Variants in TCF4 observed in about 807,000 individuals in gnomAD.
TCF4 encodes SL3-3 enhancer factor 2.
In TCF4, 3 loss-of-function variants were observed where a neutral mutation model predicts 82.1. The observed-to-expected ratio is 0.04, with a 90% CI of 0.02 to 0.09. The LOEUF (loss-of-function observed/expected upper bound fraction) is 0.09. TCF4 is among the 10% of genes least tolerant of loss of function. TCF4 has a pLI of 1.00. For synonymous variants in TCF4, 276 were observed against 309.6 expected (o/e 0.89, Z 1.14); for missense variants, 518 against 852.7 (o/e 0.61, Z 4.89).
intron 8 of TCF4, among the ~76,000 whole-genome samples, chr18:55,340,583 C>CA (rs11428164): frequency 0.33 from 21,548 of 65,130 alleles, 3,534 homozygotes; most frequent in East Asian, 0.62. Context: ...GACCCCATCT[C>CA]AAAAAAAAAA....
rs376231081 is a variant in TCF4, at chr18:55,536,116, C to A, written c.145+49164G>T. On this transcript the variant is annotated intron_variant, in intron 3 of 19. Transcript: ENST00000354452. Reference sequence around the variant, plus strand: ...TTCACAATTCATGTTTCAAACAATCCCCTACATTTCAAAGTTATAGTACTC... The same window carrying A: ...TTCACAATTCATGTTTCAAACAATCACCTACATTTCAAAGTTATAGTACTC... Among the ~76,000 whole-genome samples the A allele has an allele frequency of 2.0e-4, 30 of 152,116 alleles. No individual in the cohort carries two copies. In the East Asian group the frequency reaches 3.5e-3, roughly 18 times the overall value.
At chr18:55,387,135 C>T (rs2092677390) in intron 6 of TCF4, among the ~76,000 whole-genome samples, 1 of 152,222 alleles carries the variant, frequency 6.6e-6, no homozygotes, top group Non-Finnish European at 1.5e-5. Flanking sequence ...TCATGGGATC[C>T]TCCCACTTAT....
chr18:55,313,854 C>G (rs2073317174), intron 8 of TCF4, among the ~76,000 whole-genome samples: 1 of 152,120 alleles, frequency 6.6e-6, no homozygotes, highest in Non-Finnish European at 1.5e-5. Flanking sequence ...TCCTAACATC[C>G]TGGCTGATAT....
intron 8 of TCF4, among the ~76,000 whole-genome samples, chr18:55,340,583 C>CAAAAAA (rs11428164): frequency 3.1e-5 from 2 of 65,444 alleles, no homozygotes; most frequent in East Asian, 4.0e-4. Context: ...GACCCCATCT[C>CAAAAAA]AAAAAAAAAA....
At chr18:55,494,662 T>C (rs908796083) in intron 3 of TCF4, among the ~76,000 whole-genome samples, 11 of 152,142 alleles carry the variant, frequency 7.2e-5, no homozygotes, top group Non-Finnish European at 1.3e-4. Context: ...ATAAGAGAAC[T>C]ACATTTATTT....
chr18:55,505,001 C>A lies in TCF4; in HGVS notation c.146-40864G>T, dbSNP rs192818937. 2.6e-5 allele frequency among the ~76,000 whole-genome samples: 4 copies of A among 152,196 alleles called. No individual in the cohort carries two copies. The East Asian group carries it at 7.7e-4, about 29-fold the overall frequency. ...GATGCTGGAATAGTGCCCAGTTATC[C>A]GTCTTACCTACAGCAATAAAACTGT... is the stretch of plus-strand genomic sequence containing the variant. On this transcript the variant is annotated intron_variant, in intron 3 of 19. Coordinates refer to ENST00000354452, the MANE Select transcript of TCF4 (RefSeq NM_001083962.2).
Position 55,566,898 on chromosome 18 carries a change from A to G in TCF4, c.145+18382T>C, listed in dbSNP as rs536108423. Among the ~76,000 whole-genome samples, 132 of 152,330 alleles carry G rather than the reference A, an allele frequency of 8.7e-4. 2 individuals are homozygous for G. The highest frequency in any genetic ancestry group is 9.1e-4 in the Non-Finnish European group (62 of 68,028). ...AGATGCATGAAGAACAATGTAGACCAAATAGAATTTTAAAATTCACAAATA... is the reference window on the plus strand; with the variant it reads ...AGATGCATGAAGAACAATGTAGACCGAATAGAATTTTAAAATTCACAAATA... On this transcript the variant is annotated intron_variant, in intron 3 of 19. Transcript: ENST00000354452.
At chr18:55,630,392 C>T (rs1387250551) in intron 2 of TCF4, among the ~76,000 whole-genome samples, 1 of 152,072 alleles carries the variant, frequency 6.6e-6, no homozygotes, top group Non-Finnish European at 1.5e-5. Context: ...CTGTGCTAGA[C>T]ACTGGGAATT....
chr18:55,598,114 G>A (rs759418837), intron 2 of TCF4, among the ~76,000 whole-genome samples: 16 of 152,196 alleles, frequency 1.1e-4, no homozygotes, highest in African/African-American at 1.4e-4. Context: ...AAATCATGCC[G>A]TAAAACTATA....
chr18:55,552,017 T>G (rs1378458860), intron 3 of TCF4, among the ~76,000 whole-genome samples: 2 of 152,220 alleles, frequency 1.3e-5, no homozygotes, highest in African/African-American at 4.8e-5. Flanking sequence ...CATATAAATA[T>G]CTAAAATTCA....
chr18:55,581,071 G>A (rs1188818934), intron 3 of TCF4, among the ~76,000 whole-genome samples: 2 of 151,892 alleles, frequency 1.3e-5, no homozygotes, highest in Admixed American at 1.3e-4. Flanking sequence ...AGGCAAAAGA[G>A]AATGATCAAT....
At chr18:55,516,077 AAAAGAC>A (rs1304688860) in intron 3 of TCF4, among the ~76,000 whole-genome samples, 5 of 152,152 alleles carry the variant, frequency 3.3e-5, no homozygotes, top group Non-Finnish European at 7.4e-5. Context: ...TGTATGTGAT[AAAAGAC>A]AAATTCCAAA....
At chr18:55,554,265 T>A (rs2097284813) in intron 3 of TCF4, among the ~76,000 whole-genome samples, 1 of 152,114 alleles carries the variant, frequency 6.6e-6, no homozygotes, top group South Asian at 2.1e-4. Flanking sequence ...CTTTTAATTT[T>A]AGGGTGGAAT....
At position 55,228,263 on chromosome 18, in the gene TCF4, C is replaced by T. The variant is rs777324126; in HGVS notation, c.1978G>A (p.Gly660Arg). The T allele has an allele frequency of 6.2e-7, 1 of 1,614,146 alleles. No individual in the cohort carries two copies. Among genetic ancestry groups the T allele is most frequent in the Non-Finnish European group, 8.5e-7 (1 of 1,180,028 alleles). ...ATGTGATTCGATGCGTCTCCCATTC[C>T]AGGGTGTGGGCCGGCCAAGGAGAGA... ...PPLSLAGPHP[G>R]MGDASNHMGQ... is the part of the protein sequence containing the mutation. Residue 660 changes from glycine (G) to arginine (R), a missense_variant, in exon 19 of 20, where the codon GGA becomes AGA. Around this residue, in one of 7 missense-constraint regions of TCF4, gnomAD observed 40 missense variants for 41.5 expected, o/e 0.96. Coordinates refer to ENST00000354452, the MANE Select transcript of TCF4 (RefSeq NM_001083962.2).
intron 5 of TCF4, among the ~76,000 whole-genome samples, chr18:55,432,975 C>CTTT (rs1453077288): frequency 6.6e-6 from 1 of 152,164 alleles, no homozygotes. Flanking sequence ...CTTGTAAGGT[C>CTTT]TTTTTAAAAA....
intron 8 of TCF4, among the ~76,000 whole-genome samples, chr18:55,316,625 A>T (rs2074211470): frequency 6.6e-6 from 1 of 152,130 alleles, no homozygotes; most frequent in Non-Finnish European, 1.5e-5. Context: ...ACAAAACAAC[A>T]ACAAAAAAAG....
chr18:55,469,585 G>A (rs559811552), intron 3 of TCF4: 4 of 152,282 alleles, frequency 2.6e-5, no homozygotes, highest in Admixed American at 2.0e-4. Context: ...TACCTTCTGC[G>A]ATTTCCCATC....
At chr18:55,595,739 T>G (rs746585753) in intron 2 of TCF4, among the ~76,000 whole-genome samples, 1 of 152,236 alleles carries the variant, frequency 6.6e-6, no homozygotes, top group Non-Finnish European at 1.5e-5. Context: ...TTCTAGAAGT[T>G]TCCTCCTAAT....
intron 3 of TCF4, among the ~76,000 whole-genome samples, chr18:55,473,579 G>A (rs1176585351): frequency 1.3e-5 from 2 of 152,098 alleles, no homozygotes; most frequent in African/African-American, 2.4e-5. Flanking sequence ...TTCCACCTAT[G>A]TTTAACACTG....
Sources: allele counts gnomAD v4.1 joint callset (sites outside exome capture counted in the v4.1 genomes callset), GRCh38; gene constraint gnomAD v4.1.1; regional missense constraint gnomAD v4.1.1; transcripts MANE v1.5; gene names NCBI Gene and HGNC (gene_info 2026-07-23, HGNC 2026-07-21).